Variants in RINT1 observed in about 807,000 individuals in gnomAD.
The protein encoded by RINT1 is RAD50 interactor 1.
In RINT1, 75 loss-of-function variants were observed where a neutral mutation model predicts 97.7. The observed-to-expected ratio is 0.77, with a 90% CI of 0.64 to 0.93. RINT1 has a LOEUF of 0.93. Among genes scored for constraint, RINT1 ranks in the 40% least tolerant of loss-of-function variants. The pLI is 0.00. For missense variants in RINT1, 892 were observed against 925.2 expected, an observed-to-expected ratio of 0.96 and a Z score of 0.47; for synonymous variants, 303 against 326.3, an observed-to-expected ratio of 0.93 and a Z score of 0.77.
chr7:105,563,519 T>G (rs1791535646), intron 11 of RINT1, among the ~76,000 whole-genome samples: 1 of 152,144 alleles, frequency 6.6e-6, no homozygotes, highest in Admixed American at 6.6e-5. Context: ...TTTAGTAGAG[T>G]TGGAGTTTCA....
intron 11 of RINT1, among the ~76,000 whole-genome samples, chr7:105,556,360 C>T (rs998610480): frequency 6.6e-6 from 1 of 151,966 alleles, no homozygotes; most frequent in Non-Finnish European, 1.5e-5. Context: ...AGCCACCATG[C>T]CCAGCTCACT....
intron 10 of RINT1, among the ~76,000 whole-genome samples, chr7:105,554,705 G>A (rs1022483747): frequency 2.0e-5 from 3 of 152,114 alleles, no homozygotes; most frequent in Admixed American, 6.5e-5. Context: ...CTCACAAAGT[G>A]CTGGGATTAC....
In RINT1 at chr7:105,536,765, C is replaced by G; in HGVS notation, c.273+16C>G. ...AGAAGAACAGGTAAGTATTGAAACT[C>G]ACTGAAATAATTATCAGTGGAATAC... On this transcript the variant is annotated intron_variant, in intron 3 of 14. Coordinates refer to ENST00000257700, the MANE Select transcript of RINT1 (RefSeq NM_021930.6). The G allele has an allele frequency of 6.8e-7, 1 of 1,481,088 alleles. No homozygotes were observed. Among genetic ancestry groups the G allele is most frequent in the Non-Finnish European group, 9.1e-7 (1 of 1,095,386 alleles). 91.7% of individuals were successfully genotyped at this position (1,481,088 alleles called of 1,614,324 possible).
chr7:105,542,660 C>A lies in RINT1; in HGVS notation c.515+11C>A. The A allele has an allele frequency of 6.2e-7, 1 of 1,610,194 alleles. No individual in the cohort carries two copies. The highest frequency in any genetic ancestry group is 1.1e-5 in the South Asian group (1 of 90,466). On this transcript the variant is annotated intron_variant, in intron 4 of 14. Coordinates refer to ENST00000257700, the MANE Select transcript of RINT1 (RefSeq NM_021930.6). ...AATTGAAGAACTAAGGTAAAATGGGCCTCTTTGTTCTCACAATTACTATTT... is the reference window on the plus strand; with the variant it reads ...AATTGAAGAACTAAGGTAAAATGGGACTCTTTGTTCTCACAATTACTATTT...
rs1253801788 is a variant in RINT1 at position 105,563,726 on chromosome 7, C to T, written c.1672-7C>T. The T allele has an allele frequency of 2.5e-6, 4 of 1,605,010 alleles. No homozygotes were observed. Among genetic ancestry groups the T allele is most frequent in the Admixed American group, 3.4e-5 (2 of 58,192 alleles). On this transcript the variant is annotated splice_region_variant and splice_polypyrimidine_tract_variant and intron_variant, in intron 11 of 14. Coordinates refer to ENST00000257700, the MANE Select transcript of RINT1 (RefSeq NM_021930.6). ...ATGCTAATGTGTTAACATGTTTTTG[C>T]TTTCAGTTCTTTCTACAACTTCAAC...
intron 10 of RINT1, 54 bp downstream of exon 10, chr7:105,551,761 G>T: frequency 6.7e-7 from 1 of 1,487,372 alleles, no homozygotes; most frequent in South Asian, 1.3e-5. Flanking sequence ...TTTTCACGTG[G>T]TAGTTTTTAA....
At position 105,546,950 on chromosome 7, in the gene RINT1, G is replaced by GAGGC. The variant is rs767402700; in HGVS notation, c.559_562dup (p.Ala188GlyfsTer12). ...ATATCTGATGACCAATAATGTACCG[G>GAGGC]AGGCAGCCTCCACTCTAGTGTCTAT... is the stretch of plus-strand genomic sequence containing the variant. On this transcript the variant is annotated frameshift_variant, in exon 5 of 15. Transcript: ENST00000257700. LOFTEE classifies it high-confidence loss of function. The GAGGC allele has an allele frequency of 3.7e-6, 6 of 1,612,718 alleles. No individual in the cohort carries two copies. The highest frequency in any genetic ancestry group is 1.7e-5 in the Admixed American group (1 of 59,596).
In RINT1 at chr7:105,555,286, A is replaced by G. The variant is rs1791134481; in HGVS notation, c.1671+59A>G. On this transcript the variant is annotated intron_variant, in intron 11 of 14. Transcript: ENST00000257700. ...TACTAGTTCGAACTATTTTATTAAT[A>G]CTTTTCAAAATGTTGAATCTATTGC... The G allele has an allele frequency of 7.2e-6, 10 of 1,386,092 alleles. No individual in the cohort carries two copies. In the South Asian group the frequency reaches 1.1e-4, roughly 15 times the overall value. 85.9% of individuals were successfully genotyped at this position (1,386,092 alleles called of 1,614,324 possible). A position where few individuals can be genotyped will look rare whatever the true frequency, so the allele number is the denominator to read the frequency against.
chr7:105,550,361 A>T lies in RINT1; in HGVS notation c.1208A>T (p.Asp403Val), dbSNP rs747055027. 6.2e-7 allele frequency: 1 copy of T among 1,614,008 alleles called. No individual in the cohort carries two copies. The part of the protein sequence containing the change: ...YDDNLFCHLV[D>V]EVLLFERELH... ...GACAATCTCTTCTGTCATTTGGTGG[A>T]TGAAGTACTCTTGTTTGAAAGGGAG... Residue 403 changes from aspartate to valine, a missense_variant, in exon 9 of 15, where the codon GAT becomes GTT. By Grantham distance (152) the Asp-to-Val change is radical. Transcript: ENST00000257700.
chr7:105,536,676 A>G lies in RINT1; in HGVS notation c.200A>G (p.Asp67Gly), dbSNP rs1790249805. The G allele has an allele frequency of 2.5e-6, 4 of 1,613,014 alleles. No individual in the cohort carries two copies. The highest frequency in any genetic ancestry group is 3.4e-6 in the Non-Finnish European group (4 of 1,179,416). ...TTCATAGAAAAGGAAGTTGGAAATG[A>G]CCTTAAATCTTTAAAGAAACTTGAT... is the stretch of plus-strand genomic sequence containing the variant. ...SAFIEKEVGN[D>G]LKSLKKLDKL... Residue 67 changes from aspartate (D) to glycine (G), a missense_variant, in exon 3 of 15, where the codon GAC (aspartate) becomes GGC (glycine). Transcript: ENST00000257700.
At chr7:105,536,517 C>A (rs765547088) in intron 2 of RINT1, 48 bp from the exon 3 acceptor site, 1 of 1,297,556 alleles carries the variant, frequency 7.7e-7, no homozygotes, top group Non-Finnish European at 1.1e-6. Context: ...TTTTCTTTAA[C>A]TCCATAGTAC....
rs776924728 is a variant in RINT1 at position 105,553,887 on chromosome 7, A to ATTTTTTTT, written c.1472-1119_1472-1112dup. 1.8e-4 allele frequency among the ~76,000 whole-genome samples: 13 copies of ATTTTTTTT among 71,122 alleles called. 2 individuals carry two copies. The highest frequency in any genetic ancestry group is 2.4e-4 in the Non-Finnish European group (9 of 37,748). The allele number at this position is 71,122 out of a possible 152,430, so 46.7% of individuals were successfully genotyped here. On this transcript the variant is annotated intron_variant, in intron 10 of 14. Coordinates refer to ENST00000257700, the MANE Select transcript of RINT1 (RefSeq NM_021930.6). ...AGGCACCCGTCACCATACCCAGCTA[A>ATTTTTTTT]TTTTTTTTTTTTTTTTTTTTTTTTT...
intron 3 of RINT1, among the ~76,000 whole-genome samples, chr7:105,537,704 C>A (rs555633569): frequency 1.3e-5 from 2 of 151,328 alleles, no homozygotes; most frequent in Non-Finnish European, 2.9e-5. Flanking sequence ...GGTGTGGTGG[C>A]GGGCACCTGT....
chr7:105,557,886 ATTAG>A (rs1290712595), intron 11 of RINT1, among the ~76,000 whole-genome samples: 4 of 152,204 alleles, frequency 2.6e-5, no homozygotes, highest in South Asian at 2.1e-4. Flanking sequence ...GGACTTAGTA[ATTAG>A]TTAAAGTTTT....
At chr7:105,563,697 A>G (rs780735392) in intron 11 of RINT1, 36 bp from the exon 12 acceptor site, 178 of 1,513,268 alleles carry the variant, frequency 1.2e-4, no homozygotes, top group Non-Finnish European at 1.6e-4. Flanking sequence ...GTTAAAAAAA[A>G]AGTATGCTAA....
intron 11 of RINT1, among the ~76,000 whole-genome samples, chr7:105,558,302 A>T (rs1422680075): frequency 2.6e-5 from 4 of 151,756 alleles, no homozygotes; most frequent in East Asian, 1.9e-4. Flanking sequence ...TCAAAAAAAA[A>T]AAAAAAATAA....
chr7:105,533,682 G>A lies in RINT1; in HGVS notation c.88+813G>A, dbSNP rs557084351. ...CGGCTGATAGAATCTGCCTCAGAAA[G>A]AAGGCTCTGAGCAGTCCATAGCACA... On this transcript the variant is annotated intron_variant, in intron 2 of 14. Transcript: ENST00000257700. 3.5e-4 allele frequency among the ~76,000 whole-genome samples: 53 copies of A among 152,314 alleles called. 1 individual carries two copies. The highest frequency in any genetic ancestry group is 1.3e-3 in the African/African-American group (52 of 41,572).
intron 3 of RINT1, among the ~76,000 whole-genome samples, chr7:105,539,355 CTTTTTTTTTT>C (rs56362601): frequency 0.15 from 19,784 of 131,642 alleles, 1,746 homozygotes; most frequent in South Asian, 0.28. Flanking sequence ...CTTTCCCACT[CTTTTTTTTTT>C]TTTTTTTTTT....
In RINT1 at chr7:105,550,289, T is replaced by C; in HGVS notation, c.1136T>C (p.Leu379Pro). ...RLEFSRGLMM[L>P]VLEKLATDIP... Reference sequence around the variant, plus strand: ...GAATTTTCTCGGGGCCTTATGATGCTGGTTCTTGAGAAGTTAGCCACTGAT... The same window carrying C: ...GAATTTTCTCGGGGCCTTATGATGCCGGTTCTTGAGAAGTTAGCCACTGAT... Residue 379 changes from leucine (L) to proline (P), a missense_variant, in exon 9 of 15, where the codon CTG becomes CCG. By Grantham distance (98) the Leu-to-Pro change is moderately conservative. Coordinates refer to ENST00000257700, the MANE Select transcript of RINT1 (RefSeq NM_021930.6). 6.2e-7 allele frequency: 1 copy of C among 1,614,154 alleles called. No homozygotes were observed. The highest frequency in any genetic ancestry group is 8.5e-7 in the Non-Finnish European group (1 of 1,180,022).
Sources: allele counts gnomAD v4.1 joint callset (sites outside exome capture counted in the v4.1 genomes callset), GRCh38; gene constraint gnomAD v4.1.1; transcripts MANE v1.5; gene names NCBI Gene and HGNC (gene_info 2026-07-23, HGNC 2026-07-21).